BBX: variants seen among roughly 807,000 people sequenced by gnomAD.
The protein encoded by BBX is HMG box transcription factor BBX.
A neutral mutation model predicts 100.2 loss-of-function variants in BBX; 30 were observed. That is an observed-to-expected ratio of 0.30 (90% CI 0.22 to 0.41). The LOEUF (loss-of-function observed/expected upper bound fraction) is 0.41. Among genes scored for constraint, BBX ranks in the 10% least tolerant of loss-of-function variants. The probability of loss-of-function intolerance (pLI) is 1.00; values close to 1 mark genes in which losing one functional copy is unlikely to be tolerated. For synonymous variants in BBX, 376 were observed against 388.1 expected (o/e 0.97, Z 0.37); for missense variants, 1,023 against 1,129.8 (o/e 0.91, Z 1.35).
intron 3 of BBX, among the ~76,000 whole-genome samples, chr3:107,660,731 C>A (rs2058403938): frequency 6.6e-6 from 1 of 152,004 alleles, no homozygotes; most frequent in Non-Finnish European, 1.5e-5. Flanking sequence ...ATCAAAGGAG[C>A]TTTTCTGGCA....
At chr3:107,625,430 A>G (rs550778028) in intron 2 of BBX, among the ~76,000 whole-genome samples, 2 of 152,252 alleles carry the variant, frequency 1.3e-5, no homozygotes, top group East Asian at 3.9e-4. Context: ...GGCATGCGCC[A>G]CTACACCCAG....
chr3:107,677,859 G>T (rs1406513580), intron 3 of BBX, among the ~76,000 whole-genome samples: 1 of 151,976 alleles, frequency 6.6e-6, no homozygotes, highest in African/African-American at 2.4e-5. Context: ...ATTTTTAAAA[G>T]CTTATTGTTT....
intron 7 of BBX, among the ~76,000 whole-genome samples, chr3:107,737,321 AGAG>A (rs2063706415): frequency 1.3e-5 from 2 of 152,002 alleles, no homozygotes; most frequent in Non-Finnish European, 2.9e-5. Flanking sequence ...AGAGAGAGAG[AGAG>A]AGAGAGAGTT....
intron 3 of BBX, among the ~76,000 whole-genome samples, chr3:107,649,012 A>C (rs2057684957): frequency 6.6e-6 from 1 of 152,236 alleles, no homozygotes; most frequent in Non-Finnish European, 1.5e-5. Flanking sequence ...TAATGGACTC[A>C]CCGTTTCACA....
intron 2 of BBX, among the ~76,000 whole-genome samples, chr3:107,604,160 T>G (rs931766880): frequency 2.6e-5 from 4 of 152,142 alleles, no homozygotes; most frequent in Admixed American, 1.3e-4. Flanking sequence ...GCATTGATAG[T>G]TTTAAAACTA....
rs542005439 is a variant in BBX at position 107,703,231 on chromosome 3, G to A, written c.-9-7221G>A. Among the ~76,000 whole-genome samples, 6 of 152,310 alleles carry A rather than the reference G, an allele frequency of 3.9e-5. No individual in the cohort carries two copies. The South Asian group carries it at 1.2e-3, about 32-fold the overall frequency. On this transcript the variant is annotated intron_variant, in intron 3 of 17. Coordinates refer to ENST00000325805, the MANE Select transcript of BBX (RefSeq NM_001142568.3). ...ATTTGGTGACTTTTTGATTAAGAAT[G>A]TAAACACCTCTGTAAAATTATAGGA...
intron 2 of BBX, among the ~76,000 whole-genome samples, chr3:107,636,263 A>G (rs762300944): frequency 3.9e-5 from 6 of 152,086 alleles, no homozygotes; most frequent in Non-Finnish European, 7.4e-5. Context: ...GCCATGGACT[A>G]TTTTCCCAAA....
At chr3:107,707,377 C>T (rs1576437519) in intron 3 of BBX, among the ~76,000 whole-genome samples, 1 of 152,102 alleles carries the variant, frequency 6.6e-6, no homozygotes, top group East Asian at 1.9e-4. Context: ...TTGAAGCTAT[C>T]CTGGAGAATA....
chr3:107,642,638 C>T (rs2057286102), intron 2 of BBX, among the ~76,000 whole-genome samples: 1 of 152,178 alleles, frequency 6.6e-6, no homozygotes, highest in Non-Finnish European at 1.5e-5. Context: ...TTTTCATTCC[C>T]TACCTCCCCC....
chr3:107,769,220 AGATAGATAGACAGATAGATAG>A (rs1353260301), intron 10 of BBX, among the ~76,000 whole-genome samples: 4 of 135,602 alleles, frequency 2.9e-5, no homozygotes, highest in Non-Finnish European at 4.9e-5. Context: ...ATAGATAGAT[AGATAGATAGACAGATAGATAG>A]GATAGATAGA....
chr3:107,772,280 G>T (rs1184066389), intron 10 of BBX, among the ~76,000 whole-genome samples: 10 of 152,022 alleles, frequency 6.6e-5, no homozygotes, highest in Admixed American at 5.9e-4. Flanking sequence ...ATTCATTCTG[G>T]GTCACAAAGT....
chr3:107,582,280 A>G (rs1348119793), intron 2 of BBX, among the ~76,000 whole-genome samples: 2 of 151,808 alleles, frequency 1.3e-5, no homozygotes, highest in Non-Finnish European at 2.9e-5. Context: ...CGCATATGGC[A>G]TATGTGGAAG....
intron 10 of BBX, among the ~76,000 whole-genome samples, chr3:107,766,831 A>T (rs567633164): frequency 6.6e-6 from 1 of 152,228 alleles, no homozygotes; most frequent in Non-Finnish European, 1.5e-5. Flanking sequence ...GATAGACTGG[A>T]TAAAGAAATG....
chr3:107,747,361 A>AT (rs1238215083), intron 8 of BBX, among the ~76,000 whole-genome samples: 7 of 151,926 alleles, frequency 4.6e-5, no homozygotes, highest in East Asian at 3.9e-4. Context: ...TTTATGGCTT[A>AT]TTTTTTTTCA....
intron 9 of BBX, among the ~76,000 whole-genome samples, chr3:107,754,260 G>T (rs747759956): frequency 2.0e-5 from 3 of 152,140 alleles, no homozygotes; most frequent in Non-Finnish European, 4.4e-5. Context: ...TAATGTGTTT[G>T]TTTTCTCTTA....
chr3:107,785,077 T>G (rs943266711), intron 13 of BBX, among the ~76,000 whole-genome samples: 1 of 150,660 alleles, frequency 6.6e-6, no homozygotes, highest in Non-Finnish European at 1.5e-5. Context: ...GAACAATTCC[T>G]AAAAAGACAC....
At chr3:107,655,230 C>T (rs774565937) in intron 3 of BBX, among the ~76,000 whole-genome samples, 4 of 152,050 alleles carry the variant, frequency 2.6e-5, no homozygotes, top group Non-Finnish European at 4.4e-5. Flanking sequence ...GTACCTCCCC[C>T]AATTTTGCAA....
intron 2 of BBX, among the ~76,000 whole-genome samples, chr3:107,599,012 A>T: frequency 6.6e-6 from 1 of 152,060 alleles, no homozygotes. Flanking sequence ...TTAACAGGTC[A>T]GAGTAGAGGT....
At chr3:107,716,889 A>G in intron 5 of BBX, 40 bp downstream of exon 5, 4 of 1,601,068 alleles carry the variant, frequency 2.5e-6, no homozygotes, top group Non-Finnish European at 1.7e-6. Flanking sequence ...GCTAAAAGCA[A>G]CCAGTCCTGA....
Sources: allele counts gnomAD v4.1 joint callset (sites outside exome capture counted in the v4.1 genomes callset), GRCh38; gene constraint gnomAD v4.1.1; transcripts MANE v1.5; gene names NCBI Gene and HGNC (gene_info 2026-07-23, HGNC 2026-07-21).